FGF14: variants seen among roughly 807,000 people sequenced by gnomAD.
The protein encoded by FGF14 is fibroblast growth factor homologous factor 4.
FGF14 carries 5 observed loss-of-function variants against 25.5 expected under a neutral mutation model. That is an observed-to-expected ratio of 0.20 (90% CI 0.10 to 0.41). FGF14 has a LOEUF of 0.41. Ranked by LOEUF, FGF14 falls within the 10% of genes least tolerant of loss-of-function variation. The probability of loss-of-function intolerance (pLI) is 1.00; values close to 1 mark genes in which losing one functional copy is unlikely to be tolerated. For missense variants in FGF14, 222 were observed against 320.1 expected, an observed-to-expected ratio of 0.69 and a Z score of 2.34; for synonymous variants, 138 against 118.3, an observed-to-expected ratio of 1.17 and a Z score of -1.08.
rs77098228 is a variant in FGF14, at chr13:101,893,894, A to T, written c.194-18598T>A. ...CAGCAGTGAGAAACCAATACACCTG[A>T]CAAGATTCTTAGCATCTCATGGGGA... On this transcript the variant is annotated intron_variant, in intron 1 of 4. Coordinates refer to ENST00000376143, the MANE Select transcript of FGF14 (RefSeq NM_004115.4). Among the ~76,000 whole-genome samples, 1,268 of 152,242 alleles carry T rather than the reference A, an allele frequency of 8.3e-3. 14 individuals carry two copies. Among genetic ancestry groups the T allele is most frequent in the African/African-American group, 0.028 (1,174 of 41,532 alleles).
At chr13:102,158,633 C>G (rs2047473978) in intron 1 of FGF14, among the ~76,000 whole-genome samples, 2 of 151,774 alleles carry the variant, frequency 1.3e-5, no homozygotes, top group Non-Finnish European at 2.9e-5. Context: ...AACAGACCTG[C>G]ACATTGTGCA....
At chr13:101,779,899 T>A (rs1230549411) in intron 3 of FGF14, among the ~76,000 whole-genome samples, 3 of 152,156 alleles carry the variant, frequency 2.0e-5, no homozygotes, top group Non-Finnish European at 4.4e-5. Context: ...CTTTAGTAAT[T>A]TTTTCTTGGA....
At chr13:101,850,604 T>C (rs541368891) in intron 3 of FGF14, among the ~76,000 whole-genome samples, 288 of 136,002 alleles carry the variant, frequency 2.1e-3, no homozygotes, top group African/African-American at 7.3e-3. Context: ...TATAATTCTA[T>C]ATATAGCATA....
chr13:101,732,377 T>G (rs2035866611), intron 3 of FGF14, among the ~76,000 whole-genome samples: 1 of 152,060 alleles, frequency 6.6e-6, no homozygotes, highest in African/African-American at 2.4e-5. Context: ...CAAAATAACT[T>G]AAAAAGAGGA....
At chr13:101,817,154 T>C (rs1321771292) in intron 3 of FGF14, among the ~76,000 whole-genome samples, 2 of 152,216 alleles carry the variant, frequency 1.3e-5, no homozygotes, top group Non-Finnish European at 2.9e-5. Context: ...TCTACTGTTA[T>C]CATCTCCCAG....
At chr13:101,774,950 C>T (rs1056208546) in intron 3 of FGF14, among the ~76,000 whole-genome samples, 16 of 131,504 alleles carry the variant, frequency 1.2e-4, no homozygotes, top group Non-Finnish European at 2.0e-4. Flanking sequence ...GCCTGGGCAA[C>T]ACGAATGAAA....
At chr13:101,794,665 C>T (rs151131178) in intron 3 of FGF14, among the ~76,000 whole-genome samples, 75 of 152,140 alleles carry the variant, frequency 4.9e-4, no homozygotes, top group African/African-American at 1.5e-3. Context: ...AAAAATGTGT[C>T]CCTGAAACCC....
chr13:102,159,931 A>G (rs1479605441), intron 1 of FGF14, among the ~76,000 whole-genome samples: 1 of 152,198 alleles, frequency 6.6e-6, no homozygotes. Context: ...TTTTCCAATC[A>G]GCACTCCTAA....
chr13:101,938,102 G>T (rs1442399245), intron 1 of FGF14, among the ~76,000 whole-genome samples: 3 of 152,212 alleles, frequency 2.0e-5, no homozygotes, highest in African/African-American at 7.2e-5. Context: ...AGGTCCTCAT[G>T]GGGTTCTGCC....
intron 1 of FGF14, among the ~76,000 whole-genome samples, chr13:102,238,947 T>A (rs2141020017): frequency 6.6e-6 from 1 of 152,220 alleles, no homozygotes; most frequent in East Asian, 1.9e-4. Context: ...TACAGTTCTG[T>A]ACACCTATGA....
chr13:101,953,583 T>C (rs2036314830), intron 1 of FGF14, among the ~76,000 whole-genome samples: 1 of 149,650 alleles, frequency 6.7e-6, no homozygotes, highest in Non-Finnish European at 1.5e-5. Context: ...TATATATATA[T>C]ATATAATTTT....
At chr13:102,011,763 A>AG (rs1411271363) in intron 1 of FGF14, among the ~76,000 whole-genome samples, 8 of 152,182 alleles carry the variant, frequency 5.3e-5, no homozygotes, top group African/African-American at 1.9e-4. Flanking sequence ...TCCGGTCATC[A>AG]AGCTCTCAGA....
intron 1 of FGF14, among the ~76,000 whole-genome samples, chr13:102,350,581 C>T (rs929104214): frequency 2.0e-5 from 3 of 152,130 alleles, no homozygotes; most frequent in Non-Finnish European, 2.9e-5. Flanking sequence ...GCAAACTGCA[C>T]AACTTTTTAG....
chr13:102,052,249 T>G (rs1250126527), intron 1 of FGF14, among the ~76,000 whole-genome samples: 2 of 151,922 alleles, frequency 1.3e-5, no homozygotes, highest in East Asian at 3.9e-4. Flanking sequence ...GCTTACAGGA[T>G]TCATAGGTCA....
chr13:101,959,498 C>T lies in FGF14; in HGVS notation c.209-84202G>A, dbSNP rs563975202. On this transcript the variant is annotated intron_variant, in intron 1 of 4. Coordinates refer to the FGF14 transcript ENST00000376131. ...CTGACTTTGTTTCACAACTTTCAGT[C>T]GCATATTTGTTTCATTAAACTACTT... 3.9e-5 allele frequency among the ~76,000 whole-genome samples: 6 copies of T among 152,254 alleles called. No individual in the cohort carries two copies. In the East Asian group the frequency reaches 5.8e-4, roughly 15 times the overall value.
intron 1 of FGF14, among the ~76,000 whole-genome samples, chr13:102,196,740 AT>A (rs1001446012): frequency 2.6e-5 from 4 of 152,136 alleles, no homozygotes; most frequent in Admixed American, 6.5e-5. Flanking sequence ...ATGCAATCGT[AT>A]TTATTATAAT....
At chr13:101,920,683 C>T (rs959985717), upstream of FGF14, among the ~76,000 whole-genome samples, 2 of 151,706 alleles carry the variant, frequency 1.3e-5, no homozygotes, top group Non-Finnish European at 2.9e-5. Flanking sequence ...CTCACCACCA[C>T]CCCCCCACAG....
chr13:102,053,260 G>A (rs1226698551), intron 1 of FGF14, among the ~76,000 whole-genome samples: 2 of 151,932 alleles, frequency 1.3e-5, no homozygotes. Context: ...AGTGGCTGAA[G>A]CAATAAGGAA....
chr13:102,239,716 C>T (rs1396537916), intron 1 of FGF14, among the ~76,000 whole-genome samples: 1 of 152,176 alleles, frequency 6.6e-6, no homozygotes, highest in Non-Finnish European at 1.5e-5. Context: ...AACCTGGACA[C>T]AGTTTTCCTG....
Sources: allele counts gnomAD v4.1 joint callset (sites outside exome capture counted in the v4.1 genomes callset), GRCh38; gene constraint gnomAD v4.1.1; transcripts MANE v1.5; gene names NCBI Gene and HGNC (gene_info 2026-07-23, HGNC 2026-07-21).